Variants in CREB5 observed in about 807,000 individuals in gnomAD.
CREB5 encodes cyclic AMP-responsive element-binding protein 5.
Under a neutral mutation model 57.1 loss-of-function variants are expected in CREB5, and 19 were observed. The observed-to-expected ratio is 0.33, with a 90% CI of 0.23 to 0.49. The LOEUF (loss-of-function observed/expected upper bound fraction) is 0.49. CREB5 is among the 20% of genes least tolerant of loss of function. CREB5 has a pLI of 0.99. For missense variants in CREB5, 579 were observed against 671.6 expected (o/e 0.86, Z 1.52); for synonymous variants, 238 against 238.3 (o/e 1.00, Z 0.01).
chr7:28,412,458 TTGG>T (rs1787837911), upstream of CREB5: 1 of 153,416 alleles, frequency 6.5e-6, no homozygotes, highest in South Asian at 2.1e-4. Flanking sequence ...GCACTGTTAT[TTGG>T]TGTTCTCTGC....
intron 4 of CREB5, among the ~76,000 whole-genome samples, chr7:28,510,142 A>C (rs1172517244): frequency 1.3e-5 from 2 of 152,148 alleles, no homozygotes; most frequent in Non-Finnish European, 2.9e-5. Flanking sequence ...CCGCCTGACA[A>C]TATTCTTTTA....
intron 4 of CREB5, among the ~76,000 whole-genome samples, chr7:28,534,719 A>G (rs1793885294): frequency 9.7e-6 from 1 of 103,608 alleles, no homozygotes; most frequent in African/African-American, 3.4e-5. Flanking sequence ...CACCATCTGC[A>G]TCATCATCTT....
At chr7:28,747,591 G>T (rs574660325) in intron 7 of CREB5, among the ~76,000 whole-genome samples, 2 of 152,280 alleles carry the variant, frequency 1.3e-5, no homozygotes, top group South Asian at 4.1e-4. Flanking sequence ...GCAGAGAGTA[G>T]ACACACTCAT....
chr7:28,477,042 A>G (rs1166889016), intron 1 of CREB5, among the ~76,000 whole-genome samples: 2 of 152,170 alleles, frequency 1.3e-5, no homozygotes, highest in African/African-American at 4.8e-5. Context: ...GGCCTCATGC[A>G]TGGTAGGTGC....
At chr7:28,589,759 A>G (rs1796430069) in intron 5 of CREB5, among the ~76,000 whole-genome samples, 2 of 149,666 alleles carry the variant, frequency 1.3e-5, no homozygotes, top group African/African-American at 5.0e-5. Flanking sequence ...CACGGTTTGT[A>G]TATTTAGGTA....
intron 7 of CREB5, among the ~76,000 whole-genome samples, chr7:28,794,202 TTTC>T (rs1430193439): frequency 2.6e-5 from 4 of 152,234 alleles, no homozygotes; most frequent in African/African-American, 9.6e-5. Flanking sequence ...CCAATAGAAC[TTTC>T]TTCTTCGATA....
chr7:28,572,726 GT>G (rs2128650285), intron 5 of CREB5, among the ~76,000 whole-genome samples: 1 of 152,252 alleles, frequency 6.6e-6, no homozygotes, highest in East Asian at 1.9e-4. Flanking sequence ...TTTAAGATGA[GT>G]GCTGACTCTG....
intron 1 of CREB5, among the ~76,000 whole-genome samples, chr7:28,406,318 C>T (rs1393439812): frequency 6.6e-6 from 1 of 152,180 alleles, no homozygotes; most frequent in East Asian, 1.9e-4. Context: ...CTTCCACTGC[C>T]CAGGATCCAG....
chr7:28,561,025 CGTGTGTGT>C (rs79113344), intron 4 of CREB5, among the ~76,000 whole-genome samples: 1,838 of 49,608 alleles, frequency 0.037, 101 homozygotes, highest in African/African-American at 0.17. Flanking sequence ...TGCGTGTGTG[CGTGTGTGT>C]GTGTGTGTGT....
At chr7:28,601,626 T>C (rs972673880) in intron 5 of CREB5, among the ~76,000 whole-genome samples, 41 of 152,212 alleles carry the variant, frequency 2.7e-4, no homozygotes, top group Non-Finnish European at 8.8e-5. Flanking sequence ...GTCATTTATT[T>C]GCTTTTATGT....
At chr7:28,755,066 TA>T (rs1353312765) in intron 7 of CREB5, among the ~76,000 whole-genome samples, 1 of 152,162 alleles carries the variant, frequency 6.6e-6, no homozygotes, top group Admixed American at 6.5e-5. Context: ...TCATCTTGGG[TA>T]TCAGTACTGG....
intron 5 of CREB5, among the ~76,000 whole-genome samples, chr7:28,620,749 T>TG (rs1797762540): frequency 6.6e-6 from 1 of 152,158 alleles, no homozygotes; most frequent in Admixed American, 6.5e-5. Flanking sequence ...GTAATAAGCC[T>TG]ATCTAGTCAA....
At chr7:28,386,218 A>G (rs527300080) in intron 1 of CREB5, among the ~76,000 whole-genome samples, 8 of 152,148 alleles carry the variant, frequency 5.3e-5, no homozygotes, top group Non-Finnish European at 1.0e-4. Context: ...ACATCCTTCA[A>G]ATTTCTTTAA....
At chr7:28,794,688 C>T (rs780923000) in intron 7 of CREB5, among the ~76,000 whole-genome samples, 3 of 152,008 alleles carry the variant, frequency 2.0e-5, no homozygotes, top group South Asian at 2.1e-4. Context: ...TCTTCCCTTT[C>T]GAACTCCTTT....
intron 1 of CREB5, among the ~76,000 whole-genome samples, chr7:28,343,980 T>C (rs1057392744): frequency 6.6e-6 from 1 of 152,200 alleles, no homozygotes; most frequent in African/African-American, 2.4e-5. Context: ...TTCATATACC[T>C]GTTGGTCATT....
intron 5 of CREB5, among the ~76,000 whole-genome samples, chr7:28,657,708 C>T (rs2128710497): frequency 8.2e-6 from 1 of 121,454 alleles, no homozygotes; most frequent in Admixed American, 9.3e-5. Flanking sequence ...CAGAGCAAGA[C>T]TCTCTCTCGA....
At chr7:28,480,181 A>G (rs369935636) in intron 1 of CREB5, among the ~76,000 whole-genome samples, 14 of 152,342 alleles carry the variant, frequency 9.2e-5, no homozygotes, top group Admixed American at 2.0e-4. Flanking sequence ...ATTAAAAAGT[A>G]TCTATCTAGA....
intron 5 of CREB5, among the ~76,000 whole-genome samples, chr7:28,624,118 T>A (rs1239485610): frequency 6.6e-6 from 1 of 152,168 alleles, no homozygotes; most frequent in Non-Finnish European, 1.5e-5. Context: ...TACAAATAGA[T>A]AAAGCACTCT....
chr7:28,654,553 A>G (rs1799263121), intron 5 of CREB5, among the ~76,000 whole-genome samples: 1 of 152,230 alleles, frequency 6.6e-6, no homozygotes, highest in South Asian at 2.1e-4. Context: ...GCATTCTGCA[A>G]TTGAGATGTC....
Sources: gnomAD v4.1 joint callset for allele counts (sites outside exome capture counted in the v4.1 genomes callset) on GRCh38, gnomAD v4.1.1 for gene constraint, MANE v1.5 for transcripts, NCBI Gene and HGNC (gene_info 2026-07-23, HGNC 2026-07-21) for gene names.